The following FRMD5 variants were observed in gnomAD, a reference collection of about 807,000 sequenced individuals.
FRMD5 encodes FERM domain-containing protein 5.
A neutral mutation model predicts 69.0 loss-of-function variants in FRMD5; 20 were observed. The ratio of observed to expected loss-of-function variants is 0.29; its 90% CI spans 0.20 to 0.42. FRMD5 has a LOEUF of 0.42. Ranked by LOEUF, FRMD5 falls within the 10% of genes least tolerant of loss-of-function variation. The pLI, the probability that FRMD5 is intolerant of heterozygous loss-of-function variation, is 1.00. For synonymous variants in FRMD5, 271 were observed against 260.1 expected, an observed-to-expected ratio of 1.04 and a Z score of -0.40; for missense variants, 595 against 708.6, an observed-to-expected ratio of 0.84 and a Z score of 1.82.
chr15:43,964,239 A>T (rs2090254266), intron 1 of FRMD5, among the ~76,000 whole-genome samples: 1 of 152,150 alleles, frequency 6.6e-6, no homozygotes, highest in South Asian at 2.1e-4. Context: ...AGACTCAATC[A>T]AAAGTCCTTA....
chr15:44,041,582 C>A (rs976146345), intron 1 of FRMD5, among the ~76,000 whole-genome samples: 1 of 152,182 alleles, frequency 6.6e-6, no homozygotes, highest in South Asian at 2.1e-4. Context: ...CAAACAGTCT[C>A]TCAGACTACA....
intron 1 of FRMD5, among the ~76,000 whole-genome samples, chr15:43,930,907 T>C (rs1439484149): frequency 6.6e-6 from 1 of 152,152 alleles, no homozygotes; most frequent in Non-Finnish European, 1.5e-5. Context: ...TCAGCACAGA[T>C]GGCCCAAAGC....
chr15:44,037,507 C>T (rs1457022061), intron 1 of FRMD5, among the ~76,000 whole-genome samples: 13 of 139,544 alleles, frequency 9.3e-5, no homozygotes, highest in African/African-American at 3.2e-4. Context: ...CTTGCTCTGT[C>T]GCCAGGCTGG....
chr15:44,136,347 G>A (rs1384244943), intron 1 of FRMD5, among the ~76,000 whole-genome samples: 1 of 152,062 alleles, frequency 6.6e-6, no homozygotes, highest in Non-Finnish European at 1.5e-5. Flanking sequence ...TTCTTATCAG[G>A]TGCAAATAAT....
intron 1 of FRMD5, among the ~76,000 whole-genome samples, chr15:44,104,204 A>G (rs550682105): frequency 6.6e-6 from 1 of 152,338 alleles, no homozygotes; most frequent in Admixed American, 6.5e-5. Context: ...TAAATTTTAA[A>G]TAGCGAAAAG....
chr15:43,987,126 G>T (rs1480928626), intron 1 of FRMD5, among the ~76,000 whole-genome samples: 3 of 152,016 alleles, frequency 2.0e-5, no homozygotes, highest in Non-Finnish European at 4.4e-5. Flanking sequence ...TATTCCCCCA[G>T]ACACCACAAT....
At chr15:44,015,303 A>C (rs1477747200) in intron 1 of FRMD5, among the ~76,000 whole-genome samples, 1 of 151,844 alleles carries the variant, frequency 6.6e-6, no homozygotes, top group Non-Finnish European at 1.5e-5. Context: ...GCCTGGCTAC[A>C]TTTTTACCTT....
At chr15:43,907,804 C>A (rs533457157) in intron 5 of FRMD5, among the ~76,000 whole-genome samples, 10 of 152,186 alleles carry the variant, frequency 6.6e-5, no homozygotes, top group Non-Finnish European at 1.5e-4. Flanking sequence ...CCGTGCCAGG[C>A]CTAATTTTTA....
intron 1 of FRMD5, among the ~76,000 whole-genome samples, chr15:44,021,287 T>C (rs1048196981): frequency 1.3e-5 from 2 of 152,158 alleles, no homozygotes; most frequent in Admixed American, 6.6e-5. Flanking sequence ...CAAATATACA[T>C]ATATATGTAA....
chr15:44,084,708 G>A (rs1365482221), intron 1 of FRMD5, among the ~76,000 whole-genome samples: 1 of 150,736 alleles, frequency 6.6e-6, no homozygotes, highest in African/African-American at 2.5e-5. Flanking sequence ...CCATTGAATT[G>A]TACACTTTAA....
At chr15:44,196,020 A>G (rs575407317), upstream of FRMD5, among the ~76,000 whole-genome samples, 5 of 152,306 alleles carry the variant, frequency 3.3e-5, no homozygotes, top group South Asian at 8.3e-4. Context: ...TTCTCAATAG[A>G]ACAACATAGT....
chr15:44,018,457 T>C (rs1236651041), intron 1 of FRMD5, among the ~76,000 whole-genome samples: 2 of 152,188 alleles, frequency 1.3e-5, no homozygotes, highest in Admixed American at 6.5e-5. Flanking sequence ...AGTAATTAAT[T>C]CTCAGCAAGG....
Position 43,874,384 on chromosome 15 carries a change from A to G in FRMD5, c.1214T>C (p.Val405Ala), listed in dbSNP as rs1024850611. Residue 405 changes from valine to alanine, a missense_variant, in exon 14 of 14, where the codon GTG (valine) becomes GCG (alanine). This residue lies in a region of FRMD5 where 245 missense variants were observed against 227.1 expected (regional missense o/e 1.08). Coordinates refer to ENST00000417257, the MANE Select transcript of FRMD5 (RefSeq NM_032892.5). ...ATTGCTATCTGTCCGGCTGCTTCTCACGTGAGGCAGGAAGGTGTCCCCATG... is the reference window on the plus strand; with the variant it reads ...ATTGCTATCTGTCCGGCTGCTTCTCGCGTGAGGCAGGAAGGTGTCCCCATG... ...TSHGDTFLPH[V>A]RSSRTDSNER... is the part of the protein sequence containing the mutation. 7 of 1,614,176 alleles carry G rather than the reference A, an allele frequency of 4.3e-6. No individual in the cohort carries two copies. Among genetic ancestry groups the G allele is most frequent in the Non-Finnish European group, 5.9e-6 (7 of 1,180,036 alleles).
chr15:44,045,230 T>C (rs1892376988), intron 1 of FRMD5, among the ~76,000 whole-genome samples: 2 of 152,250 alleles, frequency 1.3e-5, no homozygotes, highest in African/African-American at 4.8e-5. Flanking sequence ...TCAGTCTATC[T>C]TGGATTACCC....
In FRMD5 at chr15:44,052,080, AC is replaced by A. The variant is rs539916405; in HGVS notation, c.103-127772del. ...GGAGTTGTGCTCCACCTCCTTGAGA[AC>A]AAAGTAGTTACATATATTATTTTGA... On this transcript the variant is annotated intron_variant, in intron 1 of 13. Coordinates refer to ENST00000417257, the MANE Select transcript of FRMD5 (RefSeq NM_032892.5). Among the ~76,000 whole-genome samples, 337 of 152,288 alleles carry A rather than the reference AC, an allele frequency of 2.2e-3. 1 individual carries two copies. Among genetic ancestry groups the A allele is most frequent in the African/African-American group, 7.7e-3 (320 of 41,564 alleles).
chr15:43,923,404 G>A (rs1318063440), intron 2 of FRMD5, among the ~76,000 whole-genome samples: 3 of 152,222 alleles, frequency 2.0e-5, no homozygotes, highest in African/African-American at 7.2e-5. Context: ...GGGGTTAGGG[G>A]AGATTTCCCA....
chr15:43,996,651 T>C (rs899441918), intron 1 of FRMD5, among the ~76,000 whole-genome samples: 15 of 151,572 alleles, frequency 9.9e-5, no homozygotes, highest in Admixed American at 9.2e-4. Context: ...TTCTCTCCTA[T>C]AGATTCTTAC....
intron 1 of FRMD5, among the ~76,000 whole-genome samples, chr15:43,995,725 A>C (rs1205478255): frequency 6.6e-6 from 1 of 151,412 alleles, no homozygotes. Context: ...TGGTACCTGG[A>C]ATCCTGGGGA....
At chr15:44,001,310 A>G (rs1890200816) in intron 1 of FRMD5, among the ~76,000 whole-genome samples, 1 of 152,166 alleles carries the variant, frequency 6.6e-6, no homozygotes, top group Non-Finnish European at 1.5e-5. Flanking sequence ...TTAATCCCTT[A>G]TCAGATAGAC....
Sources: gnomAD v4.1 joint callset for allele counts (sites outside exome capture counted in the v4.1 genomes callset) on GRCh38, gnomAD v4.1.1 for gene constraint, gnomAD v4.1.1 regional missense constraint, MANE v1.5 for transcripts, NCBI Gene and HGNC (gene_info 2026-07-23, HGNC 2026-07-21) for gene names.